The following DGCR8 variants were observed in gnomAD, a reference collection of about 807,000 sequenced individuals.
DGCR8 encodes the protein DGCR8 microprocessor complex subunit, also known as microprocessor complex subunit DGCR8.
DGCR8 carries 14 observed loss-of-function variants against 78.5 expected under a neutral mutation model. The observed-to-expected ratio is 0.18, with a 90% confidence interval of 0.12 to 0.28. DGCR8 has a LOEUF of 0.28. Ranked by LOEUF, DGCR8 falls within the 10% of genes least tolerant of loss-of-function variation. The probability of loss-of-function intolerance (pLI) is 1.00; values close to 1 mark genes in which losing one functional copy is unlikely to be tolerated. For synonymous variants in DGCR8, 399 were observed against 402.4 expected, an observed-to-expected ratio of 0.99 and a Z score of 0.10; for missense variants, 702 against 1,022.5, an observed-to-expected ratio of 0.69 and a Z score of 4.28.
intron 1 of DGCR8, among the ~76,000 whole-genome samples, chr22:20,083,029 C>G (rs922541404): frequency 2.0e-5 from 3 of 152,184 alleles, no homozygotes; most frequent in African/African-American, 7.2e-5. Context: ...CACGTCCCCT[C>G]AGCACACTGC....
chr22:20,081,288 A>T (rs1441320376), intron 1 of DGCR8, among the ~76,000 whole-genome samples: 3 of 152,244 alleles, frequency 2.0e-5, no homozygotes, highest in African/African-American at 7.2e-5. Context: ...CGTCACAGCC[A>T]GTGCCTCTGT....
intron 10 of DGCR8, 38 bp from the exon 11 acceptor site, chr22:20,106,554 C>T: frequency 6.7e-7 from 1 of 1,499,180 alleles, no homozygotes; most frequent in Non-Finnish European, 9.3e-7. Context: ...GGCTGCTCTG[C>T]TCAGGGGACG....
At chr22:20,107,571 C>T in intron 12 of DGCR8, 173 bp downstream of exon 12, 1 of 696,426 alleles carries the variant, frequency 1.4e-6, no homozygotes, top group South Asian at 1.8e-5. Flanking sequence ...GTCCCAGCTA[C>T]ATCTCCTATC....
At chr22:20,108,786 T>C (rs1000453742) in intron 12 of DGCR8, 104 bp from the exon 13 acceptor site, 3 of 770,138 alleles carry the variant, frequency 3.9e-6, no homozygotes, top group Non-Finnish European at 7.0e-6. Context: ...TGCCAGACCC[T>C]GGGCGCGCCT....
Position 20,105,781 on chromosome 22 carries a change from C to T in DGCR8, c.1789-396C>T, listed in dbSNP as rs77209867. On this transcript the variant is annotated intron_variant, in intron 9 of 13. Transcript: ENST00000351989. ...CTTTTGGGTCTGGCTGACTTTCCCT[C>T]TCCTGTAGTCTCAGTTGTGGCAATA... 6.7e-3 allele frequency among the ~76,000 whole-genome samples: 1,019 copies of T among 152,342 alleles called. 4 individuals carry two copies. The highest frequency in any genetic ancestry group is 0.011 in the Non-Finnish European group (760 of 68,028).
intron 9 of DGCR8, among the ~76,000 whole-genome samples, chr22:20,103,665 C>T (rs1255377261): frequency 1.3e-5 from 2 of 152,124 alleles, no homozygotes; most frequent in East Asian, 1.9e-4. Context: ...TGTCATCAAG[C>T]GAAGTGGGAA....
chr22:20,081,767 G>A (rs1430857709), intron 1 of DGCR8, among the ~76,000 whole-genome samples: 1 of 152,196 alleles, frequency 6.6e-6, no homozygotes, highest in Non-Finnish European at 1.5e-5. Flanking sequence ...TTGGCGCCAA[G>A]TAGCCATATC....
chr22:20,082,397 C>T (rs528965431), intron 1 of DGCR8, among the ~76,000 whole-genome samples: 62 of 151,700 alleles, frequency 4.1e-4, no homozygotes, highest in African/African-American at 1.2e-3. Context: ...GACAGAGTCT[C>T]GCTTTGTTGC....
At chr22:20,084,476 C>A (rs530035960) in intron 1 of DGCR8, among the ~76,000 whole-genome samples, 1 of 152,330 alleles carries the variant, frequency 6.6e-6, no homozygotes, top group African/African-American at 2.4e-5. Context: ...TTCATGCTTC[C>A]TCTGTAGTAA....
Position 20,092,741 on chromosome 22 carries a change from G to A in DGCR8, c.1607-68G>A, listed in dbSNP as rs974582987. The A allele has an allele frequency of 5.6e-5, 78 of 1,386,892 alleles. No individual in the cohort carries two copies. In the African/African-American group the frequency reaches 9.6e-4, roughly 17 times the overall value. 85.9% of individuals were successfully genotyped at this position (1,386,892 alleles called of 1,614,324 possible). A position where few individuals can be genotyped will look rare whatever the true frequency, so the allele number is the denominator to read the frequency against. On this transcript the variant is annotated intron_variant, in intron 7 of 13. Transcript: ENST00000351989. ...TGACTGCGCCTTGTCTGTCGGTGTG[G>A]GCAGACTGTGCACACGCTTTTGATG...
chr22:20,101,884 A>C (rs1602492981), intron 9 of DGCR8: 1 of 985,210 alleles, frequency 1.0e-6, no homozygotes, highest in East Asian at 1.1e-4. Flanking sequence ...TGGGGTTGAC[A>C]TGTCAGGAGG....
At chr22:20,096,506 T>C in intron 9 of DGCR8, 14 of 983,834 alleles carry the variant, frequency 1.4e-5, no homozygotes, top group Non-Finnish European at 1.7e-5. Context: ...GGGTGCATTC[T>C]TATTTATATA....
At chr22:20,107,173 C>T (rs556010222) in intron 11 of DGCR8, 98 bp from the exon 12 acceptor site, 2 of 1,434,300 alleles carry the variant, frequency 1.4e-6, no homozygotes, top group African/African-American at 2.8e-5. Context: ...CCTGGCTGGC[C>T]CTCGGGGTGT....
chr22:20,102,026 T>C, intron 9 of DGCR8: 2 of 985,284 alleles, frequency 2.0e-6, no homozygotes, highest in Non-Finnish European at 2.4e-6. Context: ...TGTTGCTAGC[T>C]GTGGGTTGGT....
At chr22:20,100,871 TCAGTTTCGTGGGACTGCCCC>T in intron 9 of DGCR8, 4 of 977,208 alleles carry the variant, frequency 4.1e-6, no homozygotes, top group Non-Finnish European at 4.9e-6. Context: ...GGTAAGGAGC[TCAGTTTCGTGGGACTGCCCC>T]CACTTCCTGT....
chr22:20,086,085 A>C lies in DGCR8; in HGVS notation c.122A>C (p.Gln41Pro), dbSNP rs1197492175. The C allele has an allele frequency of 6.2e-7, 1 of 1,614,118 alleles. No homozygotes were observed. Among genetic ancestry groups the C allele is most frequent in the Non-Finnish European group, 8.5e-7 (1 of 1,180,026 alleles). Residue 41 changes from glutamine (Q) to proline (P), a missense_variant, in exon 2 of 14, where the codon CAA (glutamine) becomes CCA (proline). Coordinates refer to ENST00000351989, the MANE Select transcript of DGCR8 (RefSeq NM_022720.7). The surrounding 1 kb of genome is among the most constrained non-coding windows in gnomAD (Gnocchi z 6.4). Reference protein sequence around the residue: ...PREQSPPPPLQTSSGAEVMDV... With the variant: ...PREQSPPPPLPTSSGAEVMDV... ...GAGCAGTCTCCACCACCTCCCCTGCAAACGTCCAGTGGTGCAGAGGTAATG... is the reference window on the plus strand; with the variant it reads ...GAGCAGTCTCCACCACCTCCCCTGCCAACGTCCAGTGGTGCAGAGGTAATG...
intron 9 of DGCR8, among the ~76,000 whole-genome samples, chr22:20,104,931 C>A (rs971691205): frequency 1.3e-5 from 2 of 152,192 alleles, no homozygotes; most frequent in Admixed American, 6.5e-5. Flanking sequence ...GCCTGCACAG[C>A]GAGGCGTGTG....
Position 20,089,894 on chromosome 22 carries a change from A to G in DGCR8, c.1024-82A>G. 1.7e-5 allele frequency: 27 copies of G among 1,591,200 alleles called. No homozygotes were observed. The highest frequency in any genetic ancestry group is 2.2e-5 in the Non-Finnish European group (26 of 1,166,452). On this transcript the variant is annotated intron_variant, in intron 4 of 13. Transcript: ENST00000351989. The surrounding 1 kb of genome is among the most constrained non-coding windows in gnomAD (Gnocchi z 4.9). Reference sequence around the variant, plus strand: ...CATCCACACACATGGCACCGCAGCCAAGCAGAGGCCGGTGAAAGGCATCAG... The same window carrying G: ...CATCCACACACATGGCACCGCAGCCGAGCAGAGGCCGGTGAAAGGCATCAG...
chr22:20,100,632 C>T (rs1393950458), intron 9 of DGCR8: 15 of 985,304 alleles, frequency 1.5e-5, no homozygotes, highest in Non-Finnish European at 1.8e-5. Context: ...AGCGGGGAGT[C>T]AGGTTCTCAG....
Sources: allele counts gnomAD v4.1 joint callset (sites outside exome capture counted in the v4.1 genomes callset), GRCh38; gene constraint gnomAD v4.1.1; non-coding constraint Gnocchi (gnomAD v3.1); transcripts MANE v1.5; gene names NCBI Gene and HGNC (gene_info 2026-07-23, HGNC 2026-07-21).